Variants in RNF146 observed in about 807,000 individuals in gnomAD.
The protein encoded by RNF146 is E3 ubiquitin-protein ligase RNF146.
A neutral mutation model predicts 29.7 loss-of-function variants in RNF146; 11 were observed. That is an observed-to-expected ratio of 0.37 (90% CI 0.23 to 0.61). The LOEUF (loss-of-function observed/expected upper bound fraction) is 0.61. Among genes scored for constraint, RNF146 ranks in the 20% least tolerant of loss-of-function variants. The pLI is 0.66. For missense variants in RNF146, 342 were observed against 438.9 expected (o/e 0.78, Z 1.97); for synonymous variants, 150 against 159.7 (o/e 0.94, Z 0.46).
chr6:127,273,849 C>G (rs1317628718), intron 1 of RNF146, among the ~76,000 whole-genome samples: 1 of 151,998 alleles, frequency 6.6e-6, no homozygotes, highest in Admixed American at 6.6e-5. Flanking sequence ...GAAAGATACT[C>G]GAATGTGAGT....
chr6:127,283,860 AACTTC>A (rs1406766066), intron 2 of RNF146, among the ~76,000 whole-genome samples: 6 of 151,796 alleles, frequency 4.0e-5, no homozygotes, highest in South Asian at 4.1e-4. Context: ...AACTTTGTCC[AACTTC>A]ACTTCATTCT....
intron 2 of RNF146, chr6:127,285,394 T>C: frequency 1.1e-6 from 1 of 939,456 alleles, no homozygotes; most frequent in African/African-American, 1.8e-5. Context: ...CTGACCCATT[T>C]AGAATGGCAG....
chr6:127,269,812 T>C (rs906816605), intron 1 of RNF146, among the ~76,000 whole-genome samples: 4 of 152,218 alleles, frequency 2.6e-5, no homozygotes, highest in African/African-American at 9.6e-5. Context: ...TTTTTTGAGT[T>C]GTGTACCAAA....
Position 127,287,803 on chromosome 6 carries a change from A to G in RNF146, c.*110A>G. ...AGTGCATTTTGGGAGTTGGGGTGGG[A>G]AGGGGTATGGGAAGGATAGACTCAT... On this transcript the variant is annotated 3_prime_UTR_variant, in exon 3 of 3. Coordinates refer to ENST00000368314, the MANE Select transcript of RNF146 (RefSeq NM_001242850.2). 1.4e-6 allele frequency: 1 copy of G among 703,934 alleles called. No homozygotes were observed. Among genetic ancestry groups the G allele is most frequent in the Non-Finnish European group, 2.5e-6 (1 of 399,636 alleles). 43.6% of individuals were successfully genotyped at this position (703,934 alleles called of 1,614,324 possible).
chr6:127,270,801 CAT>C (rs1364323544), intron 1 of RNF146, among the ~76,000 whole-genome samples: 1 of 151,538 alleles, frequency 6.6e-6, no homozygotes, highest in African/African-American at 2.4e-5. Flanking sequence ...TGAATGTAAA[CAT>C]ATTTTTCTTC....
rs192733178 is a variant in RNF146, at chr6:127,274,121, C to T, written c.-108-6110C>T. Among the ~76,000 whole-genome samples, 3 of 151,986 alleles carry T rather than the reference C, an allele frequency of 2.0e-5. No homozygotes were observed. In the South Asian group the frequency reaches 6.2e-4, roughly 32 times the overall value. On this transcript the variant is annotated intron_variant, in intron 1 of 2. Transcript: ENST00000368314. Reference sequence around the variant, plus strand: ...AAGTTACTTGAATTTAATCATTAGTCTTCAAATAAGGAAAGCAGAATGAGA... The same window carrying T: ...AAGTTACTTGAATTTAATCATTAGTTTTCAAATAAGGAAAGCAGAATGAGA...
rs1332774288 is a variant in RNF146 at position 127,266,915 on chromosome 6, T to A, written c.-119T>A. The A allele has an allele frequency of 6.6e-6, 1 of 150,394 alleles. No individual in the cohort carries two copies. The highest frequency in any genetic ancestry group is 2.0e-4 in the East Asian group (1 of 5,042). 9.3% of individuals were successfully genotyped at this position (150,394 alleles called of 1,614,324 possible). A position where few individuals can be genotyped will look rare whatever the true frequency, so the allele number is the denominator to read the frequency against. On this transcript the variant is annotated 5_prime_UTR_variant, in exon 1 of 3. Transcript: ENST00000368314. ...AAAGACTGCGAGGTGGCCGCAGCTG[T>A]GGCCGGAGAGGTGGGAGTCGGAGCG...
At chr6:127,275,779 G>C (rs968499686) in intron 1 of RNF146, among the ~76,000 whole-genome samples, 2 of 152,032 alleles carry the variant, frequency 1.3e-5, no homozygotes, top group African/African-American at 4.8e-5. Context: ...GGAATAGATC[G>C]TACCAGGCAG....
intron 1 of RNF146, among the ~76,000 whole-genome samples, chr6:127,274,172 A>AT (rs1049013624): frequency 6.6e-6 from 1 of 151,620 alleles, no homozygotes; most frequent in Middle Eastern, 3.4e-3. Context: ...AATTAACCAG[A>AT]TTTTTTTTTA....
chr6:127,267,589 T>C (rs1457828573), intron 1 of RNF146, among the ~76,000 whole-genome samples: 1 of 152,174 alleles, frequency 6.6e-6, no homozygotes, highest in African/African-American at 2.4e-5. Context: ...CTTCTCTCGC[T>C]CTTCCTCCTT....
chr6:127,271,265 G>T (rs968157562), intron 1 of RNF146, among the ~76,000 whole-genome samples: 1 of 151,908 alleles, frequency 6.6e-6, no homozygotes, highest in African/African-American at 2.4e-5. Flanking sequence ...TAAGTTTTTG[G>T]AAACTCAAAA....
chr6:127,269,461 A>G (rs899911156), intron 1 of RNF146, among the ~76,000 whole-genome samples: 13 of 152,232 alleles, frequency 8.5e-5, no homozygotes, highest in African/African-American at 3.1e-4. Context: ...ATAAAATGCA[A>G]AGCTCACTTT....
intron 1 of RNF146, 149 bp from the exon 2 acceptor site, chr6:127,280,081 AC>A (rs1778737530): frequency 2.2e-6 from 1 of 445,256 alleles, no homozygotes; most frequent in Non-Finnish European, 4.0e-6. Context: ...GCTAGAACTT[AC>A]AGTCATGTTG....
At chr6:127,274,690 G>A (rs1452421325) in intron 1 of RNF146, among the ~76,000 whole-genome samples, 6 of 152,156 alleles carry the variant, frequency 3.9e-5, no homozygotes, top group Admixed American at 2.0e-4. Context: ...CATCTTAAAA[G>A]ACTTGTAAGA....
intron 2 of RNF146, chr6:127,285,371 T>C: frequency 2.0e-6 from 2 of 983,128 alleles, no homozygotes; most frequent in African/African-American, 1.7e-5. Flanking sequence ...GTTGACTATA[T>C]CTTTTGTAAC....
intron 2 of RNF146, among the ~76,000 whole-genome samples, chr6:127,284,717 T>A (rs1262314895): frequency 2.0e-5 from 3 of 151,988 alleles, no homozygotes; most frequent in African/African-American, 7.2e-5. Flanking sequence ...AGTGTTTATC[T>A]CAAAATATTT....
In RNF146 at chr6:127,286,992, G is replaced by A; in HGVS notation, c.379G>A (p.Asp127Asn). 1 of 1,613,424 alleles carries A rather than the reference G, an allele frequency of 6.2e-7. No individual in the cohort carries two copies. The highest frequency in any genetic ancestry group is 8.5e-7 in the Non-Finnish European group (1 of 1,179,632). The stretch of plus-strand genomic sequence containing the variant: ...TGAGCGCACTAGTAGAGAGCTGGAA[G>A]ATGCTTTTTCCAAAGGTAAAAAGAA... ...YDERTSRELE[D>N]AFSKGKKNTE... Residue 127 changes from aspartate to asparagine, a missense_variant, in exon 3 of 3, where the codon GAT (aspartate) becomes AAT (asparagine). Physicochemically the swap from Asp to Asn is conservative, Grantham distance 23. Around this residue, in one of 6 missense-constraint regions of RNF146, gnomAD observed 50 missense variants for 54.9 expected, o/e 0.91. Coordinates refer to ENST00000368314, the MANE Select transcript of RNF146 (RefSeq NM_001242850.2). The surrounding 1 kb of genome is among the most constrained non-coding windows in gnomAD (Gnocchi z 4.6).
chr6:127,279,251 A>C (rs1051668809), intron 1 of RNF146, among the ~76,000 whole-genome samples: 3 of 151,796 alleles, frequency 2.0e-5, no homozygotes, highest in African/African-American at 7.3e-5. Context: ...TTATGGTTTT[A>C]TTTCTTATAT....
chr6:127,266,862 G>C (rs1776667984), upstream of RNF146: 1 of 151,844 alleles, frequency 6.6e-6, no homozygotes, highest in Non-Finnish European at 1.5e-5. Context: ...CGCGTTCCCG[G>C]CAGCTGCGGG....
Sources: gnomAD v4.1 joint callset for allele counts (sites outside exome capture counted in the v4.1 genomes callset) on GRCh38, gnomAD v4.1.1 for gene constraint, gnomAD v4.1.1 regional missense constraint, Gnocchi (gnomAD v3.1) non-coding constraint, MANE v1.5 for transcripts, NCBI Gene and HGNC (gene_info 2026-07-23, HGNC 2026-07-21) for gene names.